The following PSMD11 variants were observed in gnomAD, a reference collection of about 807,000 sequenced individuals.
PSMD11 encodes 26S proteasome non-ATPase regulatory subunit 11.
In PSMD11, 5 loss-of-function variants were observed where a neutral mutation model predicts 62.3. The observed-to-expected ratio is 0.08, with a 90% confidence interval of 0.04 to 0.17. The LOEUF (loss-of-function observed/expected upper bound fraction) is 0.17, where lower values mean the gene tolerates loss of function less well. Among genes scored for constraint, PSMD11 ranks in the 10% least tolerant of loss-of-function variants. PSMD11 has a pLI of 1.00. For missense variants in PSMD11, 310 were observed against 512.9 expected (o/e 0.60, Z 3.82); for synonymous variants, 191 against 191.8 (o/e 1.00, Z 0.03).
At chr17:32,478,732 C>A (rs1329967759) in intron 9 of PSMD11, among the ~76,000 whole-genome samples, 1 of 152,132 alleles carries the variant, frequency 6.6e-6, no homozygotes, top group Admixed American at 6.5e-5. Context: ...TTTTCCCCCC[C>A]ATGGAGACCC....
At chr17:32,468,913 T>C in intron 5 of PSMD11, 86 bp from the exon 6 acceptor site, 1 of 1,195,988 alleles carries the variant, frequency 8.4e-7, no homozygotes, top group Non-Finnish European at 1.1e-6. Context: ...TTTTTTTTAA[T>C]CCTGAGTGTT....
At chr17:32,448,687 C>T (rs112159436) in intron 2 of PSMD11, among the ~76,000 whole-genome samples, 1,834 of 152,220 alleles carry the variant, frequency 0.012, 32 homozygotes, top group African/African-American at 0.04. Flanking sequence ...GGTTACTCTT[C>T]TAAACACATA....
intron 3 of PSMD11, among the ~76,000 whole-genome samples, chr17:32,458,313 C>T (rs1907710167): frequency 6.6e-6 from 1 of 152,182 alleles, no homozygotes; most frequent in Non-Finnish European, 1.5e-5. Context: ...ATACAACCTA[C>T]TGCAACCTAC....
In PSMD11 at chr17:32,482,946, C is replaced by G. The variant is rs890227605; in HGVS notation, c.*2194C>G. 6.6e-6 allele frequency: 1 copy of G among 152,196 alleles called. No homozygotes were observed. The highest frequency in any genetic ancestry group is 2.4e-5 in the African/African-American group (1 of 41,418). The allele number at this position is 152,196 out of a possible 1,614,324, so 9.4% of individuals were successfully genotyped here. ...TTCACTTGCAGAAAGAGCTTTGCTT[C>G]TATAAAGGACTTTAAAAAGTACTCC... On this transcript the variant is annotated 3_prime_UTR_variant, in exon 14 of 14. Transcript: ENST00000261712.
chr17:32,470,235 G>T (rs932516758), intron 6 of PSMD11, among the ~76,000 whole-genome samples: 1 of 151,728 alleles, frequency 6.6e-6, no homozygotes, highest in Non-Finnish European at 1.5e-5. Flanking sequence ...GAACTCCTGG[G>T]CTCAAGCAAT....
intron 8 of PSMD11, 26 bp from the exon 9 acceptor site, chr17:32,477,495 T>C: frequency 6.3e-7 from 1 of 1,585,720 alleles, no homozygotes. Flanking sequence ...ATAAATCGCT[T>C]TCATGGTTTG....
At chr17:32,464,151 C>A in intron 4 of PSMD11, 31 bp downstream of exon 4, 1 of 1,573,422 alleles carries the variant, frequency 6.4e-7, no homozygotes, top group Non-Finnish European at 8.7e-7. Context: ...CATTTCAGGT[C>A]TCTAAGCATG....
At position 32,480,402 on chromosome 17, in the gene PSMD11, G is replaced by A. The variant is rs777788714; in HGVS notation, c.1127-87G>A. 773 of 1,529,570 alleles carry A rather than the reference G, an allele frequency of 5.1e-4. 2 individuals carry two copies. The highest frequency in any genetic ancestry group is 6.6e-4 in the Non-Finnish European group (729 of 1,107,264). The allele number at this position is 1,529,570 out of a possible 1,614,324, so 94.7% of individuals were successfully genotyped here. On this transcript the variant is annotated intron_variant, in intron 12 of 13. Coordinates refer to ENST00000261712, the MANE Select transcript of PSMD11 (RefSeq NM_002815.4). ...CTATTTCCCTTCTTTTCTGGACACAGTGAGTCAACTAGGGAGTGGGCTGCT... is the reference window on the plus strand; with the variant it reads ...CTATTTCCCTTCTTTTCTGGACACAATGAGTCAACTAGGGAGTGGGCTGCT...
At chr17:32,454,353 C>A in intron 2 of PSMD11, 142 bp from the exon 3 acceptor site, 1 of 787,988 alleles carries the variant, frequency 1.3e-6, no homozygotes, top group Non-Finnish European at 2.0e-6. Context: ...GCTAGGAATG[C>A]TTTAAACTCC....
chr17:32,479,856 A>T lies in PSMD11; in HGVS notation c.1044A>T (p.Glu348Asp). 6.2e-7 allele frequency: 1 copy of T among 1,613,650 alleles called. No homozygotes were observed. The change falls in exon 11 of 14, where the codon GAA becomes GAT. Residue 348 changes from glutamate to aspartate, a missense_variant. Coordinates refer to ENST00000261712, the MANE Select transcript of PSMD11 (RefSeq NM_002815.4). ...VIEPFSRVQIEHISSLIKLSK... is the reference protein window; with the variant it reads ...VIEPFSRVQIDHISSLIKLSK... ...CTCTCTGCCTTTCCTTTTAGATTGA[A>T]CACATATCTAGTCTCATCAAACTCT...
At chr17:32,446,820 T>TTTA in intron 1 of PSMD11, 125 bp from the exon 2 acceptor site, 1 of 470,998 alleles carries the variant, frequency 2.1e-6, no homozygotes, top group Non-Finnish European at 3.7e-6. Flanking sequence ...TTTTTTTTTT[T>TTTA]AACTCTAGAA....
At position 32,464,039 on chromosome 17, in the gene PSMD11, C is replaced by A; in HGVS notation, c.319-10C>A. 1 of 1,613,290 alleles carries A rather than the reference C, an allele frequency of 6.2e-7. No individual in the cohort carries two copies. ...CATAATGTTGCATGTACTGTCTCTCCTTATTGCAGGTCGAGCTGTGTTTAG... is the reference window on the plus strand; with the variant it reads ...CATAATGTTGCATGTACTGTCTCTCATTATTGCAGGTCGAGCTGTGTTTAG... On this transcript the variant is annotated splice_polypyrimidine_tract_variant and intron_variant, in intron 3 of 13. Coordinates refer to ENST00000261712, the MANE Select transcript of PSMD11 (RefSeq NM_002815.4).
intron 5 of PSMD11, among the ~76,000 whole-genome samples, chr17:32,467,527 T>G (rs1908031954): frequency 6.6e-6 from 1 of 152,348 alleles, no homozygotes; most frequent in South Asian, 2.1e-4. Flanking sequence ...ATTACAGGCT[T>G]GAGCCACTGC....
At chr17:32,467,000 A>G (rs1406566597) in intron 5 of PSMD11, among the ~76,000 whole-genome samples, 3 of 150,908 alleles carry the variant, frequency 2.0e-5, no homozygotes, top group South Asian at 2.1e-4. Context: ...GCTGGAGTGC[A>G]GTGGCGTGAT....
chr17:32,448,443 C>T (rs984888272), intron 2 of PSMD11, among the ~76,000 whole-genome samples: 128 of 152,114 alleles, frequency 8.4e-4, no homozygotes, highest in African/African-American at 3.0e-3. Flanking sequence ...TCTCGGCTCA[C>T]TGCAACCTCT....
rs145381659 is a variant in PSMD11, at chr17:32,460,676, G to T, written c.319-3373G>T. ...AAGTCCCAGCTACTGGGGAGGCTGA[G>T]GCAGGAGAATGGCGTGAACCCGGGA... On this transcript the variant is annotated intron_variant, in intron 3 of 13. Transcript: ENST00000261712. Among the ~76,000 whole-genome samples the T allele has an allele frequency of 4.6e-5, 7 of 152,000 alleles. No homozygotes were observed. The East Asian group carries it at 1.4e-3, about 30-fold the overall frequency.
chr17:32,454,508 C>G lies in PSMD11; in HGVS notation c.207C>G (p.Leu69=). 1.2e-6 allele frequency: 2 copies of G among 1,613,802 alleles called. No individual in the cohort carries two copies. Among genetic ancestry groups the G allele is most frequent in the Non-Finnish European group, 8.5e-7 (1 of 1,179,834 alleles). ...KTGQAAELGG[L]LKYVRPFLNS... ...CCTTTCCTACAGAGCTTGGAGGACTCCTGAAGTATGTACGACCCTTCTTGA... is the reference window on the plus strand; with the variant it reads ...CCTTTCCTACAGAGCTTGGAGGACTGCTGAAGTATGTACGACCCTTCTTGA... The change falls in exon 3 of 14, where the codon CTC becomes CTG. Residue 69 remains leucine, a synonymous_variant. Transcript: ENST00000261712.
intron 5 of PSMD11, among the ~76,000 whole-genome samples, chr17:32,465,559 A>G (rs1333471219): frequency 6.6e-6 from 1 of 152,232 alleles, no homozygotes; most frequent in African/African-American, 2.4e-5. Flanking sequence ...AAATAGGAGC[A>G]TTTAAAAAAT....
At chr17:32,463,911 T>C in intron 3 of PSMD11, 138 bp from the exon 4 acceptor site, 1 of 761,760 alleles carries the variant, frequency 1.3e-6, no homozygotes, top group Admixed American at 2.1e-5. Context: ...TATTACACAT[T>C]GAGATACTGT....
Sources: allele counts gnomAD v4.1 joint callset (sites outside exome capture counted in the v4.1 genomes callset), GRCh38; gene constraint gnomAD v4.1.1; transcripts MANE v1.5; gene names NCBI Gene and HGNC (gene_info 2026-07-23, HGNC 2026-07-21).